CACNA1D: variants seen among roughly 807,000 people sequenced by gnomAD.
The protein encoded by CACNA1D is voltage-dependent L-type calcium channel subunit alpha-1D.
Under a neutral mutation model 257.1 loss-of-function variants are expected in CACNA1D, and 55 were observed. The ratio of observed to expected loss-of-function variants is 0.21; its 90% CI spans 0.17 to 0.27. The LOEUF (loss-of-function observed/expected upper bound fraction) is 0.27. Ranked by LOEUF, CACNA1D falls within the 10% of genes least tolerant of loss-of-function variation. The probability of loss-of-function intolerance (pLI) is 1.00; values close to 1 mark genes in which losing one functional copy is unlikely to be tolerated. For missense variants in CACNA1D, 1,876 were observed against 2,784.0 expected (o/e 0.67, Z 7.34); for synonymous variants, 980 against 1,014.9 (o/e 0.97, Z 0.65).
At chr3:53,728,461 G>C (rs1242654308) in intron 15 of CACNA1D, among the ~76,000 whole-genome samples, 4 of 152,086 alleles carry the variant, frequency 2.6e-5, no homozygotes, top group African/African-American at 9.7e-5. Context: ...TTTTGAGTGG[G>C]CATTCCTCCA....
intron 12 of CACNA1D, 21 bp downstream of exon 12, chr3:53,722,495 T>G: frequency 1.2e-6 from 2 of 1,612,772 alleles, no homozygotes; most frequent in Non-Finnish European, 1.7e-6. Flanking sequence ...AGGCCATTCC[T>G]TTTTTGTTCT....
At chr3:53,569,966 A>G (rs1200097075) in intron 3 of CACNA1D, among the ~76,000 whole-genome samples, 1 of 152,246 alleles carries the variant, frequency 6.6e-6, no homozygotes, top group Non-Finnish European at 1.5e-5. Flanking sequence ...CTGGCATATA[A>G]CAGGCATTCT....
At position 53,800,038 on chromosome 3, in the gene CACNA1D, G is replaced by T. The variant is rs1314439371; in HGVS notation, c.4924-211G>T. ...GAGGTTACGGGGTTGCAGGCCTCAGGCATCCTACCTAGGACCTTCTTGACC... is the reference window on the plus strand; with the variant it reads ...GAGGTTACGGGGTTGCAGGCCTCAGTCATCCTACCTAGGACCTTCTTGACC... On this transcript the variant is annotated intron_variant, in intron 40 of 47. Transcript: ENST00000350061. The surrounding 1 kb of genome is among the most constrained non-coding windows in gnomAD (Gnocchi z 4.3). 1.5e-6 allele frequency: 1 copy of T among 652,534 alleles called. No homozygotes were observed. The highest frequency in any genetic ancestry group is 2.8e-6 in the Non-Finnish European group (1 of 362,558). 40.4% of individuals were successfully genotyped at this position (652,534 alleles called of 1,614,324 possible).
At chr3:53,515,372 T>A (rs2091291185) in intron 3 of CACNA1D, among the ~76,000 whole-genome samples, 1 of 152,126 alleles carries the variant, frequency 6.6e-6, no homozygotes, top group Admixed American at 6.5e-5. Context: ...GGTCGTGCAG[T>A]TCCTAGATTT....
intron 43 of CACNA1D, among the ~76,000 whole-genome samples, chr3:53,803,171 A>C (rs1406569812): frequency 6.6e-6 from 1 of 152,116 alleles, no homozygotes; most frequent in Non-Finnish European, 1.5e-5. Context: ...CTCTGGACAC[A>C]ATGGTTTGAC....
At chr3:53,742,101 G>A (rs772375492) in intron 21 of CACNA1D, among the ~76,000 whole-genome samples, 2 of 152,192 alleles carry the variant, frequency 1.3e-5, no homozygotes, top group Non-Finnish European at 2.9e-5. Context: ...TGGTGGCCTT[G>A]GGGACATTTG....
At chr3:53,759,796 T>C (rs1388455464) in intron 29 of CACNA1D, among the ~76,000 whole-genome samples, 1 of 152,238 alleles carries the variant, frequency 6.6e-6, no homozygotes, top group African/African-American at 2.4e-5. Flanking sequence ...AGGAGACTTC[T>C]TGGACGAAGG....
At chr3:53,709,801 A>T (rs1295429973) in intron 9 of CACNA1D, among the ~76,000 whole-genome samples, 1 of 152,232 alleles carries the variant, frequency 6.6e-6, no homozygotes, top group Non-Finnish European at 1.5e-5. Flanking sequence ...AAAGCTGGGC[A>T]CATTGCTTTT....
chr3:53,638,916 G>A (rs2093916682), intron 3 of CACNA1D, among the ~76,000 whole-genome samples: 1 of 152,204 alleles, frequency 6.6e-6, no homozygotes, highest in African/African-American at 2.4e-5. Context: ...AGTCCTTTGA[G>A]CAGCTGAGGT....
chr3:53,664,452 C>T (rs917052514), intron 5 of CACNA1D, among the ~76,000 whole-genome samples: 31 of 152,232 alleles, frequency 2.0e-4, no homozygotes, highest in African/African-American at 6.5e-4. Context: ...CTGCCTTTTG[C>T]TAGTGATCTA....
intron 9 of CACNA1D, among the ~76,000 whole-genome samples, chr3:53,715,136 A>G (rs1393667469): frequency 6.6e-6 from 1 of 152,176 alleles, no homozygotes; most frequent in Non-Finnish European, 1.5e-5. Context: ...CCCTGGTCAG[A>G]GTGCGTTTCC....
rs771900251 is a variant in CACNA1D at position 53,731,039 on chromosome 3, G to C, written c.2337-38G>C. ...TAGCATTTTTATACAGAGTAACATG[G>C]TTATTTGGTTTCTTGTGCTCTTTTC... On this transcript the variant is annotated intron_variant, in intron 16 of 47. Transcript: ENST00000350061. 2.3e-5 allele frequency: 29 copies of C among 1,240,530 alleles called. No homozygotes were observed. The Admixed American group carries it at 4.9e-4, about 21-fold the overall frequency. 76.8% of individuals were successfully genotyped at this position (1,240,530 alleles called of 1,614,324 possible).
intron 3 of CACNA1D, among the ~76,000 whole-genome samples, chr3:53,548,745 G>A (rs902974774): frequency 6.6e-6 from 1 of 152,158 alleles, no homozygotes; most frequent in African/African-American, 2.4e-5. Flanking sequence ...AACAGCATCT[G>A]CCATGTAGTG....
intron 19 of CACNA1D, among the ~76,000 whole-genome samples, chr3:53,734,580 A>G (rs773715336): frequency 5.3e-5 from 8 of 152,160 alleles, no homozygotes; most frequent in Non-Finnish European, 1.2e-4. Context: ...CGCAGGGCAC[A>G]TTGAGGACAG....
Position 53,732,841 on chromosome 3 carries a change from G to A in CACNA1D, c.2500G>A (p.Glu834Lys), listed in dbSNP as rs902138194. 7.4e-6 allele frequency: 12 copies of A among 1,612,324 alleles called. No homozygotes were observed. Among genetic ancestry groups the A allele is most frequent in the Non-Finnish European group, 1.0e-5 (12 of 1,178,416 alleles). Residue 834 changes from glutamate (E) to lysine (K), a missense_variant, in exon 19 of 48, where the codon GAG becomes AAG. Glu to Lys is a moderately conservative substitution (Grantham distance 56). Around this residue, in one of 10 missense-constraint regions of CACNA1D, gnomAD observed 271 missense variants for 425.5 expected, o/e 0.64. Transcript: ENST00000350061. ...PVGEEEEEEE[E>K]DEPEVPAGPR... is the part of the protein sequence containing the mutation. ...AGGGGAAGAGGAAGAGGAAGAGGAG[G>A]AGGATGAACCTGAGGTTCCTGCCGG...
chr3:53,781,561 TC>T lies in CACNA1D; in HGVS notation c.4691-3del. The T allele has an allele frequency of 6.2e-7, 1 of 1,604,628 alleles. No individual in the cohort carries two copies. The highest frequency in any genetic ancestry group is 8.5e-7 in the Non-Finnish European group (1 of 1,171,336). On this transcript the variant is annotated splice_region_variant and splice_polypyrimidine_tract_variant and intron_variant, in intron 38 of 47. Transcript: ENST00000350061. ...TGCTTTTCCCCTTTTGTTTTTTGAA[TC>T]CAGGGAACCTGGAGCAAGCTAATGA...
At chr3:53,735,267 C>T in intron 19 of CACNA1D, 107 bp from the exon 20 acceptor site, 2 of 1,059,970 alleles carry the variant, frequency 1.9e-6, no homozygotes, top group South Asian at 2.5e-5. Context: ...GCACAGCAGA[C>T]AGCTGCCCTC....
At chr3:53,574,677 C>G (rs2093005588) in intron 3 of CACNA1D, among the ~76,000 whole-genome samples, 1 of 151,760 alleles carries the variant, frequency 6.6e-6, no homozygotes, top group Admixed American at 6.6e-5. Flanking sequence ...ACACTCACAC[C>G]CCCCAGCAGA....
chr3:53,790,675 T>C (rs1267573090), intron 40 of CACNA1D, among the ~76,000 whole-genome samples: 1 of 152,098 alleles, frequency 6.6e-6, no homozygotes, highest in African/African-American at 2.4e-5. Context: ...GAGATGTGGG[T>C]GGTATATAAG....
Sources: gnomAD v4.1 joint callset for allele counts (sites outside exome capture counted in the v4.1 genomes callset) on GRCh38, gnomAD v4.1.1 for gene constraint, gnomAD v4.1.1 regional missense constraint, Gnocchi (gnomAD v3.1) non-coding constraint, MANE v1.5 for transcripts, NCBI Gene and HGNC (gene_info 2026-07-23, HGNC 2026-07-21) for gene names.